The following GALNT14 variants were observed in gnomAD, a reference collection of about 807,000 sequenced individuals.
The protein encoded by GALNT14 is polypeptide N-acetylgalactosaminyltransferase 14, also known as UDP-GalNAc:polypeptide N-acetylgalactosaminyltransferase 14.
A neutral mutation model predicts 77.5 loss-of-function variants in GALNT14; 60 were observed. That is an observed-to-expected ratio of 0.77 (90% confidence interval 0.63 to 0.96). The LOEUF is 0.96. GALNT14 is among the 40% of genes least tolerant of loss of function. The pLI, the probability that GALNT14 is intolerant of heterozygous loss-of-function variation, is 0.00. For synonymous variants in GALNT14, 280 were observed against 281.7 expected, an observed-to-expected ratio of 0.99 and a Z score of 0.06; for missense variants, 710 against 731.0, an observed-to-expected ratio of 0.97 and a Z score of 0.33.
At chr2:30,892,404 G>A in the GALNT14 span, among the ~76,000 whole-genome samples, 4 of 152,150 alleles carry the variant, frequency 2.6e-5, 1 homozygote, top group South Asian at 8.3e-4. Context: ...CAGGGACAGG[G>A]GGAAACAGTA....
chr2:30,895,392 C>T, the GALNT14 span, among the ~76,000 whole-genome samples: 1 of 152,128 alleles, frequency 6.6e-6, no homozygotes, highest in Non-Finnish European at 1.5e-5. Flanking sequence ...CACAAGGACA[C>T]AAGGGTGCTA....
At chr2:30,990,033 C>T (rs4142017) in intron 2 of GALNT14, among the ~76,000 whole-genome samples, 35,989 of 151,526 alleles carry the variant, frequency 0.24, 4,553 homozygotes, top group East Asian at 0.38. Flanking sequence ...AGGTAAAAAG[C>T]AGAGGTGGAT....
chr2:30,909,500 C>A (rs1287069140), downstream of GALNT14, among the ~76,000 whole-genome samples: 3 of 150,664 alleles, frequency 2.0e-5, no homozygotes, highest in African/African-American at 2.4e-5. Context: ...CAAATCAAAA[C>A]CACAATGAGA....
At chr2:30,968,421 C>T (rs1005406914) in intron 2 of GALNT14, among the ~76,000 whole-genome samples, 3 of 152,344 alleles carry the variant, frequency 2.0e-5, no homozygotes, top group Admixed American at 6.5e-5. Context: ...GTGTGTGTCT[C>T]CCAAGGTTAA....
At chr2:31,032,251 T>C (rs1334543428) in intron 1 of GALNT14, among the ~76,000 whole-genome samples, 1 of 152,096 alleles carries the variant, frequency 6.6e-6, no homozygotes, top group African/African-American at 2.4e-5. Flanking sequence ...GGGGAACTGG[T>C]GGGGATGGCT....
intron 1 of GALNT14, among the ~76,000 whole-genome samples, chr2:31,135,327 T>G (rs188414646): frequency 6.6e-6 from 1 of 152,272 alleles, no homozygotes; most frequent in East Asian, 1.9e-4. Flanking sequence ...TGCAGCCAGG[T>G]TTCGGTACCA....
chr2:31,020,200 A>T (rs1373340879), intron 1 of GALNT14, among the ~76,000 whole-genome samples: 6 of 152,178 alleles, frequency 3.9e-5, no homozygotes, highest in Non-Finnish European at 5.9e-5. Context: ...ACAGTGTTGG[A>T]TCATTATCCA....
chr2:31,109,426 A>G (rs1367677420), intron 1 of GALNT14, among the ~76,000 whole-genome samples: 1 of 152,236 alleles, frequency 6.6e-6, no homozygotes, highest in African/African-American at 2.4e-5. Flanking sequence ...GGCTGCTAAT[A>G]GCACTGATAC....
chr2:31,065,768 C>T (rs888700715), intron 1 of GALNT14, among the ~76,000 whole-genome samples: 10 of 152,132 alleles, frequency 6.6e-5, no homozygotes, highest in African/African-American at 2.2e-4. Context: ...CATAACTAAC[C>T]CTCCTACAAA....
chr2:30,957,925 C>G (rs749915093), intron 4 of GALNT14, among the ~76,000 whole-genome samples: 1 of 152,220 alleles, frequency 6.6e-6, no homozygotes, highest in Non-Finnish European at 1.5e-5. Flanking sequence ...ATTTGATGCA[C>G]AGTGTCTGGT....
At chr2:31,094,252 T>G (rs568772106) in intron 1 of GALNT14, among the ~76,000 whole-genome samples, 1 of 152,360 alleles carries the variant, frequency 6.6e-6, no homozygotes, top group East Asian at 1.9e-4. Flanking sequence ...CCCTTGAGAA[T>G]GTACTTTGTG....
chr2:30,954,109 G>A lies in GALNT14; in HGVS notation c.654+1509C>T, dbSNP rs538790355. Among the ~76,000 whole-genome samples the A allele has an allele frequency of 3.5e-4, 53 of 152,286 alleles. No homozygotes were observed. The South Asian group carries it at 9.3e-3, about 27-fold the overall frequency. On this transcript the variant is annotated intron_variant, in intron 6 of 14. Transcript: ENST00000349752. ...TGCCTAGAGGAGGGGAGCCGTGGAC[G>A]AGGCCCCACAGAGCAAGCGGGTTTG...
intron 1 of GALNT14, among the ~76,000 whole-genome samples, chr2:31,104,656 C>A (rs1474859774): frequency 6.6e-6 from 1 of 152,198 alleles, no homozygotes; most frequent in Non-Finnish European, 1.5e-5. Context: ...CTCTGTTTCT[C>A]AAATCTTTGA....
intron 1 of GALNT14, among the ~76,000 whole-genome samples, chr2:31,015,073 TG>T (rs1258890109): frequency 3.3e-5 from 5 of 152,236 alleles, no homozygotes; most frequent in Admixed American, 2.6e-4. Context: ...GTGGATCACC[TG>T]AGGTCAGGAG....
intron 3 of GALNT14, among the ~76,000 whole-genome samples, chr2:30,965,994 G>A (rs919178510): frequency 7.2e-5 from 11 of 152,146 alleles, no homozygotes; most frequent in African/African-American, 2.2e-4. Context: ...AACACCACAG[G>A]CCTCTGTCTT....
chr2:31,047,208 C>A (rs1673522141), intron 1 of GALNT14, among the ~76,000 whole-genome samples: 1 of 152,172 alleles, frequency 6.6e-6, no homozygotes, highest in African/African-American at 2.4e-5. Flanking sequence ...GGAAGCCTCA[C>A]CTGTAGCCCT....
At chr2:30,913,173 G>GT (rs1486630235) in intron 13 of GALNT14, among the ~76,000 whole-genome samples, 1 of 151,902 alleles carries the variant, frequency 6.6e-6, no homozygotes, top group East Asian at 1.9e-4. Flanking sequence ...AAGTCAGTGG[G>GT]GCAGAAAGTA....
intron 13 of GALNT14, among the ~76,000 whole-genome samples, chr2:30,915,579 A>G (rs1206165312): frequency 6.6e-6 from 1 of 152,204 alleles, no homozygotes; most frequent in Non-Finnish European, 1.5e-5. Context: ...ACTTCCCAGA[A>G]GGGCCATGAT....
intron 1 of GALNT14, among the ~76,000 whole-genome samples, chr2:31,012,522 A>G (rs1671096089): frequency 6.6e-6 from 1 of 152,140 alleles, no homozygotes; most frequent in Non-Finnish European, 1.5e-5. Flanking sequence ...ACCTCACTCC[A>G]CCAAGGCCCT....
Sources: allele counts gnomAD v4.1 joint callset (sites outside exome capture counted in the v4.1 genomes callset), GRCh38; gene constraint gnomAD v4.1.1; transcripts MANE v1.5; gene names NCBI Gene and HGNC (gene_info 2026-07-23, HGNC 2026-07-21).